Variants in HOOK3 observed in about 807,000 individuals in gnomAD.
The protein encoded by HOOK3 is protein Hook homolog 3.
Under a neutral mutation model 116.3 loss-of-function variants are expected in HOOK3, and 24 were observed. That is an observed-to-expected ratio of 0.21 (90% CI 0.15 to 0.29). The LOEUF (loss-of-function observed/expected upper bound fraction) is 0.29. Ranked by LOEUF, HOOK3 falls within the 10% of genes least tolerant of loss-of-function variation. HOOK3 has a pLI of 1.00. For missense variants in HOOK3, 632 were observed against 830.2 expected (o/e 0.76, Z 2.93); for synonymous variants, 275 against 283.0 (o/e 0.97, Z 0.28).
In HOOK3 at chr8:42,938,217, C is replaced by CTTTTTTTTTTT. The variant is rs145868661; in HGVS notation, c.268-5091_268-5081dup. ...TCAGAGACTAGCATTGCAACCCCTG[C>CTTTTTTTTTTT]TTTTTTTTTTTTTTTGCTTTCCATT... On this transcript the variant is annotated intron_variant, in intron 4 of 21. Coordinates refer to ENST00000307602, the MANE Select transcript of HOOK3 (RefSeq NM_032410.4). Among the ~76,000 whole-genome samples, 330 of 132,112 alleles carry CTTTTTTTTTTT rather than the reference C, an allele frequency of 2.5e-3. 3 individuals are homozygous for CTTTTTTTTTTT. Among genetic ancestry groups the CTTTTTTTTTTT allele is most frequent in the African/African-American group, 4.2e-3 (146 of 34,724 alleles). 86.7% of individuals were successfully genotyped at this position (132,112 alleles called of 152,430 possible). A position where few individuals can be genotyped will look rare whatever the true frequency, so the allele number is the denominator to read the frequency against.
chr8:42,985,110 T>A (rs1196206537), intron 14 of HOOK3, among the ~76,000 whole-genome samples: 1 of 152,136 alleles, frequency 6.6e-6, no homozygotes, highest in Non-Finnish European at 1.5e-5. Context: ...GGAGATCTCA[T>A]AAACTGAAGG....
intron 8 of HOOK3, among the ~76,000 whole-genome samples, chr8:42,962,863 A>G (rs1808562339): frequency 7.4e-6 from 1 of 135,764 alleles, no homozygotes; most frequent in South Asian, 2.3e-4. Flanking sequence ...GTGCAATGGC[A>G]CGATCTTAGC....
intron 14 of HOOK3, among the ~76,000 whole-genome samples, chr8:42,984,095 C>T (rs929458539): frequency 2.6e-5 from 4 of 152,110 alleles, no homozygotes; most frequent in South Asian, 2.1e-4. Flanking sequence ...GGGCTGGGCA[C>T]GGTGGCTCAC....
intron 17 of HOOK3, among the ~76,000 whole-genome samples, chr8:43,005,674 T>A (rs1049734521): frequency 7.2e-5 from 11 of 152,052 alleles, no homozygotes; most frequent in Admixed American, 1.3e-4. Flanking sequence ...TTTATTTTTA[T>A]TTTTATGTTT....
At position 43,013,353 on chromosome 8, in the gene HOOK3, CAG is replaced by C; in HGVS notation, c.1977_1978del (p.Glu659AspfsTer8). 1 of 1,577,836 alleles carries C rather than the reference CAG, an allele frequency of 6.3e-7. No homozygotes were observed. The highest frequency in any genetic ancestry group is 8.6e-7 in the Non-Finnish European group (1 of 1,166,220). On this transcript the variant is annotated frameshift_variant, in exon 21 of 22. Coordinates refer to ENST00000307602, the MANE Select transcript of HOOK3 (RefSeq NM_032410.4). LOFTEE classifies it high-confidence loss of function. ...LEKEYEKTKS[Q>X]REMEEKYIVS... The stretch of plus-strand genomic sequence containing the variant: ...GAAAGAATATGAGAAAACAAAGAGT[CAG>C]AGAGAGATGGAAGAGAAATATATTG...
In HOOK3 at chr8:42,939,323, C is replaced by T. The variant is rs555207873; in HGVS notation, c.268-3990C>T. Among the ~76,000 whole-genome samples the T allele has an allele frequency of 5.9e-3, 901 of 151,490 alleles. 8 individuals are homozygous for T. Among genetic ancestry groups the T allele is most frequent in the Non-Finnish European group, 0.01 (681 of 67,696 alleles). On this transcript the variant is annotated intron_variant, in intron 4 of 21. Transcript: ENST00000307602. ...GCAGAGGCGCCCCTCACCTCCCGGA[C>T]GGGGCGGCTGGTCGGGCGGGGGGCT...
chr8:42,986,927 A>C, intron 15 of HOOK3, 132 bp downstream of exon 15: 1 of 881,310 alleles, frequency 1.1e-6, no homozygotes, highest in Non-Finnish European at 1.8e-6. Flanking sequence ...GAGGCCCAGG[A>C]GGGCAGATCG....
chr8:42,913,194 A>G (rs1455799405), intron 2 of HOOK3, among the ~76,000 whole-genome samples: 1 of 152,096 alleles, frequency 6.6e-6, no homozygotes, highest in Non-Finnish European at 1.5e-5. Flanking sequence ...TGACCTATGT[A>G]TATGCCTGTG....
intron 2 of HOOK3, among the ~76,000 whole-genome samples, chr8:42,912,365 C>T (rs182962216): frequency 6.6e-6 from 1 of 151,988 alleles, no homozygotes; most frequent in East Asian, 1.9e-4. Context: ...TGACATCTCT[C>T]TTTGTCTATG....
At chr8:42,982,254 T>TAAAAAA (rs1162075588) in intron 13 of HOOK3, among the ~76,000 whole-genome samples, 15 of 89,572 alleles carry the variant, frequency 1.7e-4, no homozygotes, top group African/African-American at 5.9e-4. Flanking sequence ...GACTCTGTCT[T>TAAAAAA]AAAAAAAAAA....
intron 11 of HOOK3, among the ~76,000 whole-genome samples, chr8:42,968,460 G>A (rs561735158): frequency 6.6e-6 from 1 of 152,224 alleles, no homozygotes; most frequent in South Asian, 2.1e-4. Context: ...CTCCTGAGTA[G>A]CTGGAACTAC....
At chr8:42,914,896 C>A (rs756890040) in intron 2 of HOOK3, among the ~76,000 whole-genome samples, 8 of 152,170 alleles carry the variant, frequency 5.3e-5, no homozygotes, top group Non-Finnish European at 1.2e-4. Context: ...ATGGGCGGAT[C>A]ACTTGAGGTC....
chr8:42,908,953 A>C (rs1469698754), intron 2 of HOOK3, among the ~76,000 whole-genome samples: 1 of 152,244 alleles, frequency 6.6e-6, no homozygotes, highest in East Asian at 1.9e-4. Context: ...AAACTTAAGC[A>C]CCTGAATATC....
At chr8:42,966,679 A>G in intron 10 of HOOK3, 66 bp downstream of exon 10, 4 of 1,543,998 alleles carry the variant, frequency 2.6e-6, no homozygotes, top group Middle Eastern at 3.5e-4. Context: ...AGGGTTTCTG[A>G]GGATCTAGCA....
Position 42,959,260 on chromosome 8 carries a change from A to C in HOOK3, c.561A>C (p.Glu187Asp), listed in dbSNP as rs996960692. ...AGAAAACTACAGAGGAACTAAATGA[A>C]GCTTTGTCAGCAAAGGAAGAAATTG... ...QLKKTTEELN[E>D]ALSAKEEIAQ... Residue 187 changes from glutamate (E) to aspartate (D), a missense_variant, in exon 8 of 22, where the codon GAA becomes GAC. Glu to Asp is a conservative substitution (Grantham distance 45, BLOSUM62 2). Transcript: ENST00000307602. The C allele has an allele frequency of 3.1e-6, 5 of 1,613,652 alleles. No individual in the cohort carries two copies. In the African/African-American group the frequency reaches 6.7e-5, roughly 22 times the overall value.
chr8:42,996,385 CAAAAAAA>C (rs529268164), intron 15 of HOOK3, among the ~76,000 whole-genome samples: 5 of 55,946 alleles, frequency 8.9e-5, no homozygotes, highest in South Asian at 6.3e-4. Flanking sequence ...GACTCCGTCT[CAAAAAAA>C]AAAAAAAAAA....
At position 42,939,698 on chromosome 8, in the gene HOOK3, T is replaced by C. The variant is rs571539566; in HGVS notation, c.268-3615T>C. Reference sequence around the variant, plus strand: ...CTCACTCCCCAGACTGGGTGGCTGCTGGGCGGAGGGGCTCCTCACTTCTCA... The same window carrying C: ...CTCACTCCCCAGACTGGGTGGCTGCCGGGCGGAGGGGCTCCTCACTTCTCA... On this transcript the variant is annotated intron_variant, in intron 4 of 21. Transcript: ENST00000307602. 2.2e-3 allele frequency among the ~76,000 whole-genome samples: 314 copies of C among 140,856 alleles called. 3 individuals carry two copies. The highest frequency in any genetic ancestry group is 0.013 in the South Asian group (52 of 4,056). The allele number at this position is 140,856 out of a possible 152,430, so 92.4% of individuals were successfully genotyped here.
intron 2 of HOOK3, among the ~76,000 whole-genome samples, chr8:42,921,633 A>G (rs1807659205): frequency 6.6e-6 from 1 of 152,152 alleles, no homozygotes; most frequent in Non-Finnish European, 1.5e-5. Context: ...TGCAGCCCCT[A>G]TCCTTTTGGC....
chr8:42,905,249 A>C (rs1807279897), intron 1 of HOOK3, among the ~76,000 whole-genome samples: 1 of 148,524 alleles, frequency 6.7e-6, no homozygotes, highest in Non-Finnish European at 1.5e-5. Flanking sequence ...GGAGGCATCA[A>C]GATTTTTAAA....
Sources: allele counts gnomAD v4.1 joint callset (sites outside exome capture counted in the v4.1 genomes callset), GRCh38; gene constraint gnomAD v4.1.1; transcripts MANE v1.5; gene names NCBI Gene and HGNC (gene_info 2026-07-23, HGNC 2026-07-21).